Variants in SWAP70 observed in about 807,000 individuals in gnomAD.
SWAP70 encodes switching B cell complex subunit SWAP70, also known as switch-associated protein 70.
A neutral mutation model predicts 80.2 loss-of-function variants in SWAP70; 34 were observed. The observed-to-expected ratio is 0.42, with a 90% confidence interval of 0.32 to 0.56. The LOEUF (loss-of-function observed/expected upper bound fraction) is 0.56, where lower values mean the gene tolerates loss of function less well. Among genes scored for constraint, SWAP70 ranks in the 20% least tolerant of loss-of-function variants. SWAP70 has a pLI of 0.09. For missense variants in SWAP70, 578 were observed against 690.7 expected (o/e 0.84, Z 1.83); for synonymous variants, 239 against 238.5 (o/e 1.00, Z -0.02).
chr11:9,723,824 G>A (rs1851171859), intron 3 of SWAP70, among the ~76,000 whole-genome samples: 1 of 147,800 alleles, frequency 6.8e-6, no homozygotes, highest in Non-Finnish European at 1.5e-5. Context: ...CCAGGCTGGA[G>A]TGCAGTGGCA....
intron 8 of SWAP70, among the ~76,000 whole-genome samples, chr11:9,739,196 A>C (rs1446402221): frequency 6.6e-6 from 1 of 152,186 alleles, no homozygotes; most frequent in African/African-American, 2.4e-5. Flanking sequence ...AGGTTGTCTT[A>C]GGTAGTTAGC....
intron 5 of SWAP70, among the ~76,000 whole-genome samples, 200 bp from the exon 6 acceptor site, chr11:9,729,143 C>T (rs1257059896): frequency 6.6e-6 from 1 of 152,128 alleles, no homozygotes; most frequent in Non-Finnish European, 1.5e-5. Flanking sequence ...ATAGTTTTAC[C>T]AGTCTAGATG....
intron 2 of SWAP70, among the ~76,000 whole-genome samples, chr11:9,696,096 C>T (rs1850754084): frequency 3.9e-5 from 6 of 152,174 alleles, no homozygotes; most frequent in Admixed American, 2.6e-4. Context: ...AGATATTATA[C>T]AGCCAACTCT....
At chr11:9,745,961 A>C (rs1010700706) in intron 9 of SWAP70, among the ~76,000 whole-genome samples, 1 of 152,228 alleles carries the variant, frequency 6.6e-6, no homozygotes, top group Non-Finnish European at 1.5e-5. Flanking sequence ...AGCAGCCCCA[A>C]CTACAGCCCA....
intron 1 of SWAP70, among the ~76,000 whole-genome samples, chr11:9,671,074 CAAATAT>C (rs1050602610): frequency 3.0e-5 from 4 of 133,810 alleles, no homozygotes; most frequent in Admixed American, 8.2e-5. Context: ...TTTATATATA[CAAATAT>C]AAATATAAAT....
At chr11:9,711,698 T>C (rs1851000832) in intron 2 of SWAP70, among the ~76,000 whole-genome samples, 1 of 152,166 alleles carries the variant, frequency 6.6e-6, no homozygotes. Context: ...CACCAGACTG[T>C]TCCCGTGAGT....
chr11:9,748,790 A>G (rs1851545694), intron 10 of SWAP70, among the ~76,000 whole-genome samples: 1 of 152,254 alleles, frequency 6.6e-6, no homozygotes, highest in Non-Finnish European at 1.5e-5. Flanking sequence ...ACACAGGGCC[A>G]TACACCCATT....
intron 3 of SWAP70, among the ~76,000 whole-genome samples, chr11:9,721,237 C>A (rs1003138889): frequency 2.6e-5 from 4 of 152,080 alleles, no homozygotes; most frequent in Admixed American, 1.3e-4. Flanking sequence ...CCTGTTACTT[C>A]TCTTTAAAGA....
chr11:9,701,691 C>CTTTTTTT lies in SWAP70; in HGVS notation c.240+7423_240+7429dup, dbSNP rs1163108695. Among the ~76,000 whole-genome samples, 32 of 68,526 alleles carry CTTTTTTT rather than the reference C, an allele frequency of 4.7e-4. 4 individuals are homozygous for CTTTTTTT. Among genetic ancestry groups the CTTTTTTT allele is most frequent in the Non-Finnish European group, 7.2e-4 (26 of 35,902 alleles). 45.0% of individuals were successfully genotyped at this position (68,526 alleles called of 152,430 possible). On this transcript the variant is annotated intron_variant, in intron 2 of 11. Transcript: ENST00000318950. ...GTCTAGGAAGAAACTTTTGTGGGCT[C>CTTTTTTT]TTTTTTTTTTTTTTTTTTTTTTTTG...
intron 6 of SWAP70, among the ~76,000 whole-genome samples, chr11:9,731,664 TA>T (rs1483473335): frequency 3.9e-5 from 6 of 151,976 alleles, no homozygotes; most frequent in Non-Finnish European, 7.4e-5. Context: ...ATAGATTAAA[TA>T]AAAAAAACTG....
At position 9,716,180 on chromosome 11, in the gene SWAP70, G is replaced by A. The variant is rs1035074087; in HGVS notation, c.414+2541G>A. On this transcript the variant is annotated intron_variant, in intron 3 of 11. Coordinates refer to ENST00000318950, the MANE Select transcript of SWAP70 (RefSeq NM_015055.4). ...TATCCTGTAGGCAGTGTGGAAAGATGAGCCACTGATGATTTTTGAGGAAGA... is the reference window on the plus strand; with the variant it reads ...TATCCTGTAGGCAGTGTGGAAAGATAAGCCACTGATGATTTTTGAGGAAGA... Among the ~76,000 whole-genome samples the A allele has an allele frequency of 2.6e-5, 4 of 152,326 alleles. No homozygotes were observed. The South Asian group carries it at 8.3e-4, about 32-fold the overall frequency.
At chr11:9,741,710 TA>T (rs1263945160) in intron 9 of SWAP70, 2 of 152,120 alleles carry the variant, frequency 1.3e-5, no homozygotes, top group African/African-American at 4.8e-5. Flanking sequence ...TAGTCTTAGT[TA>T]TTTAGTGTTT....
At chr11:9,721,852 G>A (rs1851142358) in intron 3 of SWAP70, among the ~76,000 whole-genome samples, 1 of 151,948 alleles carries the variant, frequency 6.6e-6, no homozygotes, top group Admixed American at 6.6e-5. Flanking sequence ...GTTAAAATAT[G>A]TTATTTTACA....
chr11:9,694,447 A>G (rs555814647), intron 2 of SWAP70, among the ~76,000 whole-genome samples, 161 bp downstream of exon 2: 2 of 152,240 alleles, frequency 1.3e-5, no homozygotes, highest in East Asian at 3.9e-4. Context: ...AGTGCTTCCT[A>G]TTCTTCCCTC....
At chr11:9,664,555 G>A (rs557434850) in intron 1 of SWAP70, among the ~76,000 whole-genome samples, 151 of 152,366 alleles carry the variant, frequency 9.9e-4, no homozygotes, top group Non-Finnish European at 1.8e-3. Flanking sequence ...GGTGAAGTCT[G>A]GAGGGCCAAG....
chr11:9,682,286 T>C (rs2134434723), intron 1 of SWAP70, among the ~76,000 whole-genome samples: 1 of 152,282 alleles, frequency 6.6e-6, no homozygotes, highest in African/African-American at 2.4e-5. Context: ...TGGCTGGGGC[T>C]GAATTAGATC....
intron 1 of SWAP70, among the ~76,000 whole-genome samples, chr11:9,689,193 C>G (rs532780817): frequency 1.3e-5 from 2 of 152,090 alleles, no homozygotes; most frequent in Admixed American, 6.6e-5. Flanking sequence ...AGAATCTCTA[C>G]GTCTTTGGAG....
At position 9,671,451 on chromosome 11, in the gene SWAP70, TATAA is replaced by T. The variant is rs1239181844; in HGVS notation, c.99+7177_99+7180del. Among the ~76,000 whole-genome samples the T allele has an allele frequency of 2.9e-3, 243 of 83,992 alleles. 1 individual carries two copies. Among genetic ancestry groups the T allele is most frequent in the Non-Finnish European group, 4.4e-3 (202 of 45,466 alleles). 55.1% of individuals were successfully genotyped at this position (83,992 alleles called of 152,430 possible). On this transcript the variant is annotated intron_variant, in intron 1 of 11. Transcript: ENST00000318950. ...ATATATAAATATATAAAAATATATT[TATAA>T]ATATATATATAAATATATAAAAGTA...
At chr11:9,738,405 G>A (rs1346065377) in intron 8 of SWAP70, 85 bp downstream of exon 8, 6 of 943,620 alleles carry the variant, frequency 6.4e-6, no homozygotes, top group Middle Eastern at 5.6e-4. Flanking sequence ...GCTACAGTGA[G>A]GCATGTCATC....
Sources: gnomAD v4.1 joint callset for allele counts (sites outside exome capture counted in the v4.1 genomes callset) on GRCh38, gnomAD v4.1.1 for gene constraint, MANE v1.5 for transcripts, NCBI Gene and HGNC (gene_info 2026-07-23, HGNC 2026-07-21) for gene names.